PLEKHM3: variants seen among roughly 807,000 people sequenced by gnomAD.
PLEKHM3 encodes the protein pleckstrin homology domain-containing family M member 3.
In PLEKHM3, 45 loss-of-function variants were observed where a neutral mutation model predicts 81.8. The observed-to-expected ratio is 0.55, with a 90% CI of 0.43 to 0.71. The LOEUF is 0.71. PLEKHM3 is among the 30% of genes least tolerant of loss of function. The pLI, the probability that PLEKHM3 is intolerant of heterozygous loss-of-function variation, is 0.00. For synonymous variants in PLEKHM3, 352 were observed against 356.4 expected (o/e 0.99, Z 0.14); for missense variants, 788 against 924.3 (o/e 0.85, Z 1.91).
intron 6 of PLEKHM3, among the ~76,000 whole-genome samples, chr2:207,886,851 C>T (rs895056178): frequency 1.3e-5 from 2 of 152,200 alleles, no homozygotes; most frequent in African/African-American, 4.8e-5. Context: ...GAGGAATCCT[C>T]ATATAATAAT....
At chr2:207,859,091 A>G (rs1574342244) in intron 7 of PLEKHM3, among the ~76,000 whole-genome samples, 1 of 149,014 alleles carries the variant, frequency 6.7e-6, no homozygotes, top group African/African-American at 2.5e-5. Flanking sequence ...CATGTTTTCA[A>G]TGTTAATACA....
At chr2:207,936,760 A>G (rs1194737311) in intron 4 of PLEKHM3, among the ~76,000 whole-genome samples, 2 of 152,148 alleles carry the variant, frequency 1.3e-5, no homozygotes, top group Non-Finnish European at 2.9e-5. Flanking sequence ...TATTATGTAA[A>G]AAGTTATTCA....
chr2:207,880,789 C>CAAAAAAAAAAAAAAAAAAAAAAAAA (rs2092586602), intron 6 of PLEKHM3, among the ~76,000 whole-genome samples: 1 of 25,096 alleles, frequency 4.0e-5, no homozygotes, highest in Non-Finnish European at 9.2e-5. Flanking sequence ...AAAAAAAAAA[C>CAAAAAAAAAAAAAAAAAAAAAAAAA]CAAAAAAACA....
chr2:207,889,987 T>A (rs994568451), intron 6 of PLEKHM3, among the ~76,000 whole-genome samples: 1 of 152,148 alleles, frequency 6.6e-6, no homozygotes, highest in African/African-American at 2.4e-5. Context: ...GTATTTTTAG[T>A]AGAGACGGGG....
At chr2:208,016,244 A>C (rs1279038047) in intron 1 of PLEKHM3, among the ~76,000 whole-genome samples, 1 of 152,126 alleles carries the variant, frequency 6.6e-6, no homozygotes, top group African/African-American at 2.4e-5. Flanking sequence ...TTCTAAAACT[A>C]ACTTGACTTT....
intron 2 of PLEKHM3, among the ~76,000 whole-genome samples, chr2:207,994,049 A>T (rs752907620): frequency 6.6e-6 from 1 of 152,164 alleles, no homozygotes; most frequent in Non-Finnish European, 1.5e-5. Flanking sequence ...GTTGGGAAGG[A>T]CAATAGAGAT....
chr2:207,982,129 T>C (rs1234643373), intron 2 of PLEKHM3, among the ~76,000 whole-genome samples: 1 of 152,180 alleles, frequency 6.6e-6, no homozygotes, highest in Non-Finnish European at 1.5e-5. Context: ...TATTTACTTA[T>C]TTTATGGAGA....
intron 5 of PLEKHM3, among the ~76,000 whole-genome samples, chr2:207,916,789 T>C (rs1689006543): frequency 1.3e-5 from 2 of 152,264 alleles, no homozygotes; most frequent in South Asian, 2.1e-4. Flanking sequence ...AGAATTTATA[T>C]ATTTCATTTC....
chr2:208,001,693 A>G lies in PLEKHM3; in HGVS notation c.-54T>C, dbSNP rs1692312003. 6 of 1,554,398 alleles carry G rather than the reference A, an allele frequency of 3.9e-6. No homozygotes were observed. The highest frequency in any genetic ancestry group is 5.2e-6 in the Non-Finnish European group (6 of 1,157,086). ...CTAAGCTGGTTCCAGAAATGGCTTC[A>G]TGAACATTCACCCAACCAAGAGGGG... is the stretch of plus-strand genomic sequence containing the variant. On this transcript the variant is annotated 5_prime_UTR_variant, in exon 2 of 8. An upstream start codon of the reference 5' UTR is lost. Coordinates refer to ENST00000427836, the MANE Select transcript of PLEKHM3 (RefSeq NM_001080475.3).
At chr2:207,844,046 G>A (rs1217268976) in intron 7 of PLEKHM3, among the ~76,000 whole-genome samples, 1 of 151,826 alleles carries the variant, frequency 6.6e-6, no homozygotes, top group African/African-American at 2.4e-5. Context: ...TAGTGCCACT[G>A]CACTCAAGCA....
At chr2:207,839,559 C>A (rs1256580152) in intron 7 of PLEKHM3, among the ~76,000 whole-genome samples, 1 of 152,144 alleles carries the variant, frequency 6.6e-6, no homozygotes, top group East Asian at 1.9e-4. Flanking sequence ...TCAATTTATT[C>A]TAGGCTGGTG....
At chr2:207,947,356 T>C (rs2105970517) in intron 3 of PLEKHM3, among the ~76,000 whole-genome samples, 1 of 152,346 alleles carries the variant, frequency 6.6e-6, no homozygotes. Flanking sequence ...TCTAAGAAAG[T>C]CCATGACTCT....
intron 7 of PLEKHM3, among the ~76,000 whole-genome samples, chr2:207,856,940 G>A (rs2092440243): frequency 6.6e-6 from 1 of 151,932 alleles, no homozygotes; most frequent in African/African-American, 2.4e-5. Context: ...TTTTAAATTT[G>A]TTCAGATTTT....
At chr2:207,981,013 A>G (rs1056888419) in intron 2 of PLEKHM3, among the ~76,000 whole-genome samples, 1 of 151,792 alleles carries the variant, frequency 6.6e-6, no homozygotes, top group South Asian at 2.1e-4. Context: ...CTGTAATCCC[A>G]GCTACTCGGG....
chr2:207,874,819 TG>T (rs1209076940), intron 6 of PLEKHM3, among the ~76,000 whole-genome samples: 1 of 151,888 alleles, frequency 6.6e-6, no homozygotes, highest in Non-Finnish European at 1.5e-5. Context: ...CTTGAACTCC[TG>T]ACCTCATGAT....
At chr2:207,948,923 T>C (rs1042667669) in intron 3 of PLEKHM3, among the ~76,000 whole-genome samples, 1 of 152,052 alleles carries the variant, frequency 6.6e-6, no homozygotes, top group Non-Finnish European at 1.5e-5. Context: ...GTGATCCGCC[T>C]GCCTTGGACT....
intron 6 of PLEKHM3, among the ~76,000 whole-genome samples, chr2:207,906,010 T>C (rs949516710): frequency 1.1e-4 from 16 of 152,336 alleles, no homozygotes; most frequent in African/African-American, 3.6e-4. Context: ...TCCAAATGGA[T>C]ACATTACTTT....
chr2:207,974,101 T>G (rs563903976), intron 3 of PLEKHM3, among the ~76,000 whole-genome samples: 1 of 152,294 alleles, frequency 6.6e-6, no homozygotes, highest in South Asian at 2.1e-4. Context: ...CCAAATTTCG[T>G]GAGCACAAAA....
At chr2:207,841,435 C>A (rs368652746) in intron 7 of PLEKHM3, among the ~76,000 whole-genome samples, 1 of 118,346 alleles carries the variant, frequency 8.4e-6, no homozygotes, top group East Asian at 2.4e-4. Flanking sequence ...GGTGACACAG[C>A]GAGACTCCAT....
Sources: allele counts gnomAD v4.1 joint callset (sites outside exome capture counted in the v4.1 genomes callset), GRCh38; gene constraint gnomAD v4.1.1; transcripts MANE v1.5; gene names NCBI Gene and HGNC (gene_info 2026-07-23, HGNC 2026-07-21).